CORIN: variants seen among roughly 807,000 people sequenced by gnomAD.
The protein encoded by CORIN is atrial natriuretic peptide-converting enzyme.
In CORIN, 117 loss-of-function variants were observed where a neutral mutation model predicts 125.3. The observed-to-expected ratio is 0.93, with a 90% CI of 0.80 to 1.09. CORIN has a LOEUF of 1.09. Ranked by LOEUF, CORIN falls within the 50% of genes least tolerant of loss-of-function variation. The pLI is 0.00. For missense variants in CORIN, 1,253 were observed against 1,306.7 expected, an observed-to-expected ratio of 0.96 and a Z score of 0.63; for synonymous variants, 450 against 466.4, an observed-to-expected ratio of 0.96 and a Z score of 0.45.
At chr4:47,805,148 A>AAAAT (rs796469224) in intron 2 of CORIN, among the ~76,000 whole-genome samples, 50 of 129,160 alleles carry the variant, frequency 3.9e-4, no homozygotes, top group African/African-American at 1.4e-3. Context: ...AAAAAAAAAA[A>AAAAT]AATAATAATA....
intron 5 of CORIN, among the ~76,000 whole-genome samples, chr4:47,728,057 TGA>T: frequency 6.6e-6 from 1 of 152,286 alleles, no homozygotes; most frequent in East Asian, 1.9e-4. Flanking sequence ...ATAGAGCAGG[TGA>T]GAATGGAGAC....
intron 16 of CORIN, among the ~76,000 whole-genome samples, chr4:47,629,659 C>G (rs1171279733): frequency 6.6e-6 from 1 of 152,128 alleles, no homozygotes; most frequent in African/African-American, 2.4e-5. Flanking sequence ...GCTCTTTCTA[C>G]AATTCATGTA....
chr4:47,731,438 C>G (rs1221992989), intron 5 of CORIN, among the ~76,000 whole-genome samples: 3 of 152,056 alleles, frequency 2.0e-5, no homozygotes, highest in Non-Finnish European at 1.5e-5. Flanking sequence ...GAGAGAGATC[C>G]AAGGCCTGAG....
At chr4:47,679,215 T>C (rs773386405) in intron 8 of CORIN, among the ~76,000 whole-genome samples, 1 of 152,180 alleles carries the variant, frequency 6.6e-6, no homozygotes, top group Non-Finnish European at 1.5e-5. Context: ...CAATCATGTA[T>C]ATTATTCTCT....
At chr4:47,595,956 G>A (rs1721234517) in intron 21 of CORIN, 53 bp from the exon 22 acceptor site, 2 of 1,436,360 alleles carry the variant, frequency 1.4e-6, no homozygotes, top group Non-Finnish European at 1.9e-6. Context: ...GCAGTAATGT[G>A]TGTCCATGCT....
intron 5 of CORIN, among the ~76,000 whole-genome samples, chr4:47,730,691 C>T (rs996855576): frequency 6.6e-6 from 1 of 152,152 alleles, no homozygotes; most frequent in Non-Finnish European, 1.5e-5. Context: ...GGGAACTCTC[C>T]CGTTTTACTA....
At chr4:47,706,298 T>C (rs1378593778) in intron 5 of CORIN, 11 of 1,069,794 alleles carry the variant, frequency 1.0e-5, no homozygotes, top group Non-Finnish European at 1.5e-5. Flanking sequence ...TCTAAACTGC[T>C]CTACTCTATG....
intron 2 of CORIN, among the ~76,000 whole-genome samples, chr4:47,801,188 G>A (rs536266736): frequency 7.2e-5 from 11 of 152,262 alleles, no homozygotes; most frequent in African/African-American, 2.4e-4. Flanking sequence ...TCCATTTCTT[G>A]ACCTGCTTTC....
chr4:47,771,077 C>A (rs770779223), intron 3 of CORIN, among the ~76,000 whole-genome samples: 31 of 152,076 alleles, frequency 2.0e-4, no homozygotes, highest in Non-Finnish European at 4.3e-4. Context: ...AAAAACAGAT[C>A]CAAGTGATGT....
At chr4:47,705,533 A>C (rs573484199) in intron 5 of CORIN, among the ~76,000 whole-genome samples, 1 of 152,290 alleles carries the variant, frequency 6.6e-6, no homozygotes, top group South Asian at 2.1e-4. Context: ...TACACCAAAA[A>C]CAGGCCACAA....
At chr4:47,791,102 T>A (rs1731058499) in intron 2 of CORIN, among the ~76,000 whole-genome samples, 1 of 152,024 alleles carries the variant, frequency 6.6e-6, no homozygotes, top group South Asian at 2.1e-4. Context: ...GTAAAAGGGA[T>A]GTTGCAGATG....
intron 19 of CORIN, 80 bp downstream of exon 19, chr4:47,623,491 A>C (rs1577748224): frequency 4.1e-6 from 6 of 1,447,846 alleles, no homozygotes; most frequent in Admixed American, 3.8e-5. Context: ...GGCTTCATGG[A>C]GTTACATATG....
intron 10 of CORIN, 114 bp from the exon 11 acceptor site, chr4:47,665,377 G>A (rs1177402224): frequency 1.4e-6 from 1 of 711,014 alleles, no homozygotes; most frequent in East Asian, 2.7e-5. Context: ...GCTAAGACTA[G>A]AATGCCAGTA....
Position 47,733,288 on chromosome 4 carries a change from T to C in CORIN, c.799+11114A>G, listed in dbSNP as rs76893357. Among the ~76,000 whole-genome samples, 391 of 152,350 alleles carry C rather than the reference T, an allele frequency of 2.6e-3. 1 individual carries two copies. The highest frequency in any genetic ancestry group is 4.5e-3 in the Non-Finnish European group (304 of 68,032). ...GACATGCTCAGCGCCTTCACGATGC[T>C]ATTTGCAAAATATCCATATAAGTAC... On this transcript the variant is annotated intron_variant, in intron 5 of 21. Transcript: ENST00000273857.
intron 1 of CORIN, among the ~76,000 whole-genome samples, chr4:47,829,018 C>T (rs1171826672): frequency 6.6e-6 from 1 of 151,732 alleles, no homozygotes; most frequent in Non-Finnish European, 1.5e-5. Context: ...ATTAGCCGGG[C>T]ATGGTGGTGG....
At chr4:47,653,319 G>T (rs892285384) in intron 13 of CORIN, among the ~76,000 whole-genome samples, 2 of 152,154 alleles carry the variant, frequency 1.3e-5, no homozygotes, top group African/African-American at 4.8e-5. Context: ...CTACGGATAA[G>T]GGGGAGGGGT....
chr4:47,762,927 C>T (rs977972344), intron 4 of CORIN, among the ~76,000 whole-genome samples: 4 of 152,116 alleles, frequency 2.6e-5, no homozygotes, highest in African/African-American at 9.7e-5. Context: ...CCCATAGATA[C>T]AACTCTCTCT....
Position 47,823,131 on chromosome 4 carries a change from G to A in CORIN, c.63+14756C>T, listed in dbSNP as rs192991256. ...CCCGGCCCCATTTCTTTTTTTATTC[G>A]CTTACATAAGCATGGACTACTGTTT... On this transcript the variant is annotated intron_variant, in intron 1 of 21. Coordinates refer to ENST00000273857, the MANE Select transcript of CORIN (RefSeq NM_006587.4). Among the ~76,000 whole-genome samples, 12 of 151,860 alleles carry A rather than the reference G, an allele frequency of 7.9e-5. No individual in the cohort carries two copies. In the East Asian group the frequency reaches 1.7e-3, roughly 22 times the overall value.
At chr4:47,827,900 T>G (rs187622277) in intron 1 of CORIN, among the ~76,000 whole-genome samples, 11 of 152,254 alleles carry the variant, frequency 7.2e-5, no homozygotes, top group African/African-American at 2.6e-4. Flanking sequence ...CACCCATAGC[T>G]GCATACATAG....
Sources: gnomAD v4.1 joint callset for allele counts (sites outside exome capture counted in the v4.1 genomes callset) on GRCh38, gnomAD v4.1.1 for gene constraint, MANE v1.5 for transcripts, NCBI Gene and HGNC (gene_info 2026-07-23, HGNC 2026-07-21) for gene names.